Variants in KDM4B observed in about 807,000 individuals in gnomAD.
KDM4B encodes the protein lysine-specific demethylase 4B.
A neutral mutation model predicts 125.2 loss-of-function variants in KDM4B; 32 were observed. That is an observed-to-expected ratio of 0.26 (90% CI 0.19 to 0.34). The LOEUF is 0.34. Ranked by LOEUF, KDM4B falls within the 10% of genes least tolerant of loss-of-function variation. The probability of loss-of-function intolerance (pLI) is 1.00; values close to 1 mark genes in which losing one functional copy is unlikely to be tolerated. For missense variants in KDM4B, 1,190 were observed against 1,577.7 expected, an observed-to-expected ratio of 0.75 and a Z score of 4.16; for synonymous variants, 721 against 677.9, an observed-to-expected ratio of 1.06 and a Z score of -0.99.
intron 21 of KDM4B, among the ~76,000 whole-genome samples, chr19:5,145,356 G>A (rs1419652031): frequency 6.6e-6 from 1 of 152,066 alleles, no homozygotes; most frequent in Non-Finnish European, 1.5e-5. Flanking sequence ...CGAGGCAGGT[G>A]GATCACTTGA....
intron 6 of KDM4B, among the ~76,000 whole-genome samples, chr19:5,060,433 CAAAAAAAAAAAA>C (rs901472663): frequency 3.6e-4 from 12 of 32,978 alleles, no homozygotes; most frequent in Admixed American, 4.9e-4. Context: ...ACTCTGTCTC[CAAAAAAAAAAAA>C]AAAAAAAAAA....
intron 1 of KDM4B, among the ~76,000 whole-genome samples, chr19:4,974,168 C>G (rs1367064034): frequency 6.6e-6 from 1 of 150,916 alleles, no homozygotes; most frequent in Non-Finnish European, 1.5e-5. Context: ...GGAGCCAAGG[C>G]GGGCAGATCA....
At chr19:5,067,159 C>T (rs963099327) in intron 6 of KDM4B, among the ~76,000 whole-genome samples, 2 of 152,164 alleles carry the variant, frequency 1.3e-5, no homozygotes, top group Admixed American at 1.3e-4. Context: ...CCCAGACATA[C>T]CCCAGGGCAC....
intron 1 of KDM4B, among the ~76,000 whole-genome samples, chr19:4,982,313 G>A (rs962143130): frequency 6.6e-6 from 1 of 150,480 alleles, no homozygotes; most frequent in African/African-American, 2.4e-5. Flanking sequence ...AAAGCCAGAC[G>A]CAGTGGCACA....
intron 5 of KDM4B, among the ~76,000 whole-genome samples, chr19:5,045,940 G>A (rs1047837001): frequency 6.6e-6 from 1 of 152,176 alleles, no homozygotes. Flanking sequence ...CATGCTGTTT[G>A]TTTTCTTCTG....
rs1316155588 is a variant in KDM4B, at chr19:5,138,023, C to T, written c.2503C>T (p.Arg835Cys). The change falls in exon 18 of 23, where the codon CGC becomes TGC. Residue 835 changes from arginine (R) to cysteine (C), a missense_variant. Transcript: ENST00000159111. ...PEARFLNVIE[R>C]HPVDISAIPE... ...GGCGCGCTTCCTGAACGTGATTGAG[C>T]GCCACCCTGTGGACATCAGCGCCAT... is the stretch of plus-strand genomic sequence containing the variant. The T allele has an allele frequency of 1.9e-6, 3 of 1,612,524 alleles. No homozygotes were observed. The highest frequency in any genetic ancestry group is 2.7e-5 in the African/African-American group (2 of 74,914).
intron 2 of KDM4B, among the ~76,000 whole-genome samples, chr19:5,018,678 A>G (rs905377568): frequency 3.9e-5 from 6 of 152,098 alleles, no homozygotes; most frequent in Non-Finnish European, 7.4e-5. Context: ...GGAGCATCTC[A>G]TTGTCCCAGA....
At chr19:4,973,872 G>A (rs1353865605) in intron 1 of KDM4B, among the ~76,000 whole-genome samples, 1 of 151,186 alleles carries the variant, frequency 6.6e-6, no homozygotes, top group Non-Finnish European at 1.5e-5. Context: ...GCTCATGCCT[G>A]TAATCCCAGC....
intron 16 of KDM4B, 45 bp downstream of exon 16, chr19:5,137,383 GC>G: frequency 6.6e-7 from 1 of 1,516,418 alleles, no homozygotes; most frequent in Non-Finnish European, 8.9e-7. Context: ...AGAGGCCTGG[GC>G]CCCGGCCCCA....
intron 1 of KDM4B, among the ~76,000 whole-genome samples, chr19:4,986,209 C>T (rs1037688280): frequency 1.4e-4 from 21 of 152,302 alleles, no homozygotes; most frequent in African/African-American, 4.1e-4. Context: ...AGCATGTCTG[C>T]GGCCTCACAG....
intron 6 of KDM4B, among the ~76,000 whole-genome samples, chr19:5,050,167 T>C (rs984084546): frequency 2.6e-5 from 4 of 152,244 alleles, no homozygotes; most frequent in African/African-American, 9.6e-5. Context: ...AAAGTGTCAA[T>C]GTACTCAGGT....
intron 5 of KDM4B, among the ~76,000 whole-genome samples, chr19:5,043,456 G>A (rs1599486282): frequency 2.2e-5 from 3 of 135,870 alleles, no homozygotes; most frequent in East Asian, 2.4e-4. Flanking sequence ...CTTATCCCGC[G>A]CTGTGTTTAT....
chr19:4,980,153 G>T (rs1241952651), intron 1 of KDM4B, among the ~76,000 whole-genome samples: 1 of 151,866 alleles, frequency 6.6e-6, no homozygotes. Context: ...TGACACAGTT[G>T]TGCAACCGTC....
intron 6 of KDM4B, among the ~76,000 whole-genome samples, chr19:5,068,637 C>T (rs1320937684): frequency 1.3e-5 from 2 of 152,342 alleles, no homozygotes; most frequent in African/African-American, 4.8e-5. Context: ...TCCCCGAGGC[C>T]GTCGCTGGGT....
rs8101733 is a variant in KDM4B at position 5,048,100 on chromosome 19, G to C, written c.626+431G>C. 9.1e-4 allele frequency among the ~76,000 whole-genome samples: 138 copies of C among 152,318 alleles called. 1 individual carries two copies. The highest frequency in any genetic ancestry group is 2.8e-3 in the African/African-American group (118 of 41,578). On this transcript the variant is annotated intron_variant, in intron 6 of 22. Transcript: ENST00000159111. The stretch of plus-strand genomic sequence containing the variant: ...CTGCAGCCGCTCCCTCGCAGTCTCC[G>C]CCCTGGCACGTCTGGGCCAGGCCCT...
chr19:5,037,972 C>T (rs190284616), intron 3 of KDM4B, among the ~76,000 whole-genome samples: 7 of 152,390 alleles, frequency 4.6e-5, no homozygotes, highest in Non-Finnish European at 1.0e-4. Flanking sequence ...ACAGTTTCTT[C>T]ACTGATGTGA....
At chr19:4,974,772 A>G (rs1342792366) in intron 1 of KDM4B, among the ~76,000 whole-genome samples, 1 of 152,010 alleles carries the variant, frequency 6.6e-6, no homozygotes, top group African/African-American at 2.4e-5. Flanking sequence ...CAAAGGAGTA[A>G]AAACCAAAAC....
chr19:5,148,045 A>C (rs2039882190), intron 21 of KDM4B, among the ~76,000 whole-genome samples: 1 of 152,164 alleles, frequency 6.6e-6, no homozygotes, highest in African/African-American at 2.4e-5. Flanking sequence ...CCAAGGCCCC[A>C]AGAGCCTCCC....
intron 9 of KDM4B, among the ~76,000 whole-genome samples, chr19:5,086,883 C>G (rs1043514671): frequency 6.6e-6 from 1 of 152,220 alleles, no homozygotes; most frequent in African/African-American, 2.4e-5. Flanking sequence ...CCCAGGTCTG[C>G]CCCCACAGGG....
Sources: gnomAD v4.1 joint callset for allele counts (sites outside exome capture counted in the v4.1 genomes callset) on GRCh38, gnomAD v4.1.1 for gene constraint, MANE v1.5 for transcripts, NCBI Gene and HGNC (gene_info 2026-07-23, HGNC 2026-07-21) for gene names.